The following MTUS1 variants were observed in gnomAD, a reference collection of about 807,000 sequenced individuals.
The protein encoded by MTUS1 is microtubule associated scaffold protein 1.
Under a neutral mutation model 120.8 loss-of-function variants are expected in MTUS1, and 109 were observed. The observed-to-expected ratio is 0.90, with a 90% CI of 0.77 to 1.06. MTUS1 has a LOEUF of 1.06. Among genes scored for constraint, MTUS1 ranks in the 50% least tolerant of loss-of-function variants. The pLI is 0.00. For missense variants in MTUS1, 2,210 were observed against 1,486.3 expected, an observed-to-expected ratio of 1.49 and a Z score of -8.01; for synonymous variants, 737 against 550.5, an observed-to-expected ratio of 1.34 and a Z score of -4.74.
intron 2 of MTUS1, among the ~76,000 whole-genome samples, chr8:17,751,120 C>T (rs1336216201): frequency 1.3e-5 from 2 of 151,980 alleles, no homozygotes; most frequent in Non-Finnish European, 2.9e-5. Flanking sequence ...AGTTCGAGAC[C>T]AGCCTGGCCA....
At position 17,755,843 on chromosome 8, in the gene MTUS1, T is replaced by C; in HGVS notation, c.-36A>G. ...AACCTTAAACCTCTGCCATTTTATT[T>C]CTTCTTCAATTCCTTTTAAATGAGA... On this transcript the variant is annotated 5_prime_UTR_variant, in exon 2 of 15. Transcript: ENST00000693296. The C allele has an allele frequency of 1.3e-6, 2 of 1,570,722 alleles. No homozygotes were observed. The highest frequency in any genetic ancestry group is 1.7e-6 in the Non-Finnish European group (2 of 1,161,396).
intron 4 of MTUS1, 138 bp from the exon 5 acceptor site, chr8:17,716,039 T>G: frequency 1.4e-6 from 1 of 733,938 alleles, no homozygotes; most frequent in Non-Finnish European, 2.2e-6. Context: ...ACATTGGGAA[T>G]ACAACATGGA....
chr8:17,655,309 T>G (rs1025068972), intron 9 of MTUS1, among the ~76,000 whole-genome samples: 24 of 144,756 alleles, frequency 1.7e-4, no homozygotes, highest in Admixed American at 2.1e-4. Flanking sequence ...AAGAAAGAAA[T>G]GCAAAACAAT....
At chr8:17,679,655 C>T (rs1272718891) in intron 7 of MTUS1, among the ~76,000 whole-genome samples, 4 of 152,012 alleles carry the variant, frequency 2.6e-5, no homozygotes. Context: ...GCACATGCCA[C>T]CATGCCTGGC....
intron 7 of MTUS1, among the ~76,000 whole-genome samples, chr8:17,679,354 C>CGTGTGT (rs1563187893): frequency 7.1e-6 from 1 of 140,128 alleles, no homozygotes. Flanking sequence ...TGTGTGCGCG[C>CGTGTGT]GCGTGTGTGT....
chr8:17,789,135 C>T lies in MTUS1; in HGVS notation c.-155+11926G>A, dbSNP rs192543880. On this transcript the variant is annotated intron_variant, in intron 1 of 14. Transcript: ENST00000693296. ...ACAACCTCCGCCTCCCAGGTTCAAG[C>T]GATTCTCCTGCCTCAGCCTGACCAG... 6.6e-3 allele frequency among the ~76,000 whole-genome samples: 999 copies of T among 151,982 alleles called. 44 individuals are homozygous for T. Among genetic ancestry groups the T allele is most frequent in the Admixed American group, 0.06 (922 of 15,250 alleles).
intron 6 of MTUS1, among the ~76,000 whole-genome samples, chr8:17,693,659 A>G (rs1817400382): frequency 6.6e-6 from 1 of 152,120 alleles, no homozygotes; most frequent in African/African-American, 2.4e-5. Context: ...TTTCCTGAGG[A>G]CCCAACTTAA....
chr8:17,667,751 G>A (rs1232646595), intron 8 of MTUS1, among the ~76,000 whole-genome samples: 10 of 152,156 alleles, frequency 6.6e-5, no homozygotes, highest in Non-Finnish European at 1.5e-4. Context: ...AGCCATCTTG[G>A]GTTCTTATGC....
chr8:17,684,618 C>G, intron 6 of MTUS1, 76 bp from the exon 7 acceptor site: 2 of 1,162,716 alleles, frequency 1.7e-6, no homozygotes, highest in Middle Eastern at 2.1e-4. Flanking sequence ...GATTCAAAAA[C>G]AACCAGATAA....
chr8:17,752,612 G>A (rs1300912282), intron 2 of MTUS1, among the ~76,000 whole-genome samples: 2 of 151,322 alleles, frequency 1.3e-5, no homozygotes, highest in Non-Finnish European at 2.9e-5. Context: ...CTTCTAAACG[G>A]ACCTGACAAT....
At position 17,684,526 on chromosome 8, in the gene MTUS1, T is replaced by C. The variant is rs1334820759; in HGVS notation, c.2640A>G (p.Gln880=). The change falls in exon 7 of 15, where the codon CAA becomes CAG. Residue 880 remains glutamine, a synonymous_variant. Coordinates refer to ENST00000693296, the MANE Select transcript of MTUS1 (RefSeq NM_001363059.2). ...GGATACATAAGCTTCGAGGATTCTT[T>C]TGCCTGCTCTTTTCAACTGCAAAAC... The part of the protein sequence containing the change: ...TALNAVEKSR[Q]KNPRSLCIQP... 3 of 1,613,698 alleles carry C rather than the reference T, an allele frequency of 1.9e-6. No individual in the cohort carries two copies. The highest frequency in any genetic ancestry group is 2.2e-5 in the East Asian group (1 of 44,900).
At position 17,754,201 on chromosome 8, in the gene MTUS1, T is replaced by G; in HGVS notation, c.1607A>C (p.Gln536Pro). Residue 536 changes from glutamine to proline, a missense_variant, in exon 2 of 15, where the codon CAG becomes CCG. Physicochemically the swap from Gln to Pro is moderately conservative, Grantham distance 76. Coordinates refer to ENST00000693296, the MANE Select transcript of MTUS1 (RefSeq NM_001363059.2). Reference sequence around the variant, plus strand: ...TGATGAGGGTGATGAGGCACTGGTCTGCTGAGGTCTGGGCGTGACCTTTGA... The same window carrying G: ...TGATGAGGGTGATGAGGCACTGGTCGGCTGAGGTCTGGGCGTGACCTTTGA... The part of the protein sequence containing the change: ...ALSKVTPRPQ[Q>P]TSASSPSSVN... The G allele has an allele frequency of 6.2e-7, 1 of 1,614,134 alleles. No homozygotes were observed. Among genetic ancestry groups the G allele is most frequent in the Non-Finnish European group, 8.5e-7 (1 of 1,180,048 alleles).
At chr8:17,665,802 T>C (rs1810770442) in intron 8 of MTUS1, among the ~76,000 whole-genome samples, 1 of 152,198 alleles carries the variant, frequency 6.6e-6, no homozygotes, top group African/African-American at 2.4e-5. Context: ...CTTAATTCTC[T>C]TGTGGAAGCA....
intron 1 of MTUS1, among the ~76,000 whole-genome samples, chr8:17,795,433 A>G (rs2052145697): frequency 6.6e-6 from 1 of 152,088 alleles, no homozygotes; most frequent in South Asian, 2.1e-4. Context: ...TAAGGTACAC[A>G]TTTATGCATT....
rs186495496 is a variant in MTUS1 at position 17,663,559 on chromosome 8, A to G, written c.2906-7494T>C. On this transcript the variant is annotated intron_variant, in intron 8 of 14. Coordinates refer to ENST00000693296, the MANE Select transcript of MTUS1 (RefSeq NM_001363059.2). ...CACTCAGCTGCTACATCACTTGAGC[A>G]AATTACTTAAACTTTCTAAGCCTAC... 1.2e-3 allele frequency among the ~76,000 whole-genome samples: 182 copies of G among 152,134 alleles called. 3 individuals carry two copies. Among genetic ancestry groups the G allele is most frequent in the Middle Eastern group, 3.4e-3 (1 of 294 alleles).
chr8:17,774,903 T>G (rs557313291), intron 1 of MTUS1, among the ~76,000 whole-genome samples: 1 of 145,422 alleles, frequency 6.9e-6, no homozygotes, highest in Non-Finnish European at 1.5e-5. Flanking sequence ...GGAATATTAT[T>G]CAGCCATAAA....
chr8:17,714,415 G>A (rs932466411), intron 5 of MTUS1, among the ~76,000 whole-genome samples: 9 of 152,138 alleles, frequency 5.9e-5, no homozygotes, highest in African/African-American at 2.2e-4. Flanking sequence ...AATCCAAAGA[G>A]TTTCATGCAG....
intron 4 of MTUS1, 144 bp from the exon 5 acceptor site, chr8:17,716,045 A>C (rs1299644990): frequency 1.4e-6 from 1 of 709,840 alleles, no homozygotes; most frequent in Admixed American, 2.9e-5. Flanking sequence ...GGAATACAAC[A>C]TGGATAACAG....
intron 6 of MTUS1, chr8:17,705,921 G>A (rs116355640): frequency 1.0e-3 from 157 of 152,248 alleles, no homozygotes; most frequent in African/African-American, 3.5e-3. Context: ...GTAGAACCAA[G>A]GTAATAATAG....
Sources: allele counts gnomAD v4.1 joint callset (sites outside exome capture counted in the v4.1 genomes callset), GRCh38; gene constraint gnomAD v4.1.1; transcripts MANE v1.5; gene names NCBI Gene and HGNC (gene_info 2026-07-23, HGNC 2026-07-21).